GPM6B: variants seen among roughly 807,000 people sequenced by gnomAD.
The protein encoded by GPM6B is glycoprotein M6B.
GPM6B carries 4 observed loss-of-function variants against 27.2 expected under a neutral mutation model. The observed-to-expected ratio is 0.15, with a 90% confidence interval of 0.07 to 0.34. The LOEUF (loss-of-function observed/expected upper bound fraction) is 0.34, where lower values mean the gene tolerates loss of function less well. Ranked by LOEUF, GPM6B falls within the 10% of genes least tolerant of loss-of-function variation. The pLI, the probability that GPM6B is intolerant of heterozygous loss-of-function variation, is 1.00. For missense variants in GPM6B, 183 were observed against 261.9 expected, an observed-to-expected ratio of 0.70 and a Z score of 2.08; for synonymous variants, 124 against 103.1, an observed-to-expected ratio of 1.20 and a Z score of -1.23.
chrX:13,930,539 G>A (rs912490411), intron 1 of GPM6B, among the ~76,000 whole-genome samples: 1 of 111,286 alleles, frequency 9.0e-6, no homozygotes, highest in African/African-American at 3.3e-5. Context: ...GCGTGAGCCC[G>A]GGAGGTGAAG....
chrX:13,773,241 C>A, intron 7 of GPM6B: 2 of 277,953 alleles, frequency 7.2e-6, no homozygotes, highest in Non-Finnish European at 1.3e-5. Context: ...AGTATACAAA[C>A]ATAGTGAACT....
At chrX:13,774,371 G>A (rs886176347) in intron 7 of GPM6B, 2 of 1,033,597 alleles carry the variant, frequency 1.9e-6, no homozygotes, top group South Asian at 3.1e-5. Flanking sequence ...TCTCATTATT[G>A]TGTAATTCAT....
intron 3 of GPM6B, among the ~76,000 whole-genome samples, chrX:13,784,780 C>G (rs1192058498): frequency 1.8e-5 from 2 of 112,177 alleles, no homozygotes; most frequent in Non-Finnish European, 1.9e-5. Flanking sequence ...TGCTAAACCC[C>G]TGGACCTTCC....
intron 2 of GPM6B, among the ~76,000 whole-genome samples, chrX:13,803,717 C>A (rs533611226): frequency 5.6e-4 from 63 of 111,651 alleles, no homozygotes; most frequent in South Asian, 2.3e-3. Context: ...AGAATTTCTC[C>A]CAAGCTTCCA....
chrX:13,806,546 G>C (rs1179696500), intron 2 of GPM6B, among the ~76,000 whole-genome samples: 3 of 112,064 alleles, frequency 2.7e-5, no homozygotes, highest in Non-Finnish European at 5.6e-5. Context: ...CCATAGGACA[G>C]ATGAAGGAAT....
Position 13,787,554 on chromosome X carries a change from C to G in GPM6B, c.182-1746G>C, listed in dbSNP as rs182765291. On this transcript the variant is annotated intron_variant, in intron 2 of 7. Coordinates refer to ENST00000316715, the MANE Select transcript of GPM6B (RefSeq NM_001001995.3). ...CCTGGGCGACAGAGCAAGACTCCGT[C>G]TCAAAAAAAGAAAAAGGGAACCAGT... Among the ~76,000 whole-genome samples the G allele has an allele frequency of 9.9e-5, 11 of 111,456 alleles. No individual in the cohort carries two copies. The East Asian group carries it at 3.1e-3, about 31-fold the overall frequency.
intron 1 of GPM6B, among the ~76,000 whole-genome samples, chrX:13,905,124 G>A (rs915100045): frequency 9.4e-6 from 1 of 106,253 alleles, no homozygotes; most frequent in Non-Finnish European, 1.9e-5. Flanking sequence ...CCAGCTACTC[G>A]AGAGACTAAG....
chrX:13,831,263 T>G (rs2049436780), intron 1 of GPM6B, among the ~76,000 whole-genome samples: 1 of 108,000 alleles, frequency 9.3e-6, no homozygotes. Flanking sequence ...CTGGTTTATT[T>G]ACAATCAGGC....
At chrX:13,854,258 C>T (rs757374070) in intron 1 of GPM6B, among the ~76,000 whole-genome samples, 7 of 111,666 alleles carry the variant, frequency 6.3e-5, no homozygotes, top group Non-Finnish European at 1.3e-4. Context: ...AACAAAATTA[C>T]TATTTATTTC....
At chrX:13,898,101 A>C (rs183826605) in intron 1 of GPM6B, among the ~76,000 whole-genome samples, 83 of 111,509 alleles carry the variant, frequency 7.4e-4, no homozygotes, top group African/African-American at 2.6e-3. Flanking sequence ...GTATTTGTCC[A>C]TGCTGCTTTA....
chrX:13,928,971 G>A (rs959504860), intron 1 of GPM6B, among the ~76,000 whole-genome samples: 2 of 111,731 alleles, frequency 1.8e-5, no homozygotes, highest in Admixed American at 9.5e-5. Flanking sequence ...TCTAAACAAG[G>A]GGGAAATCAG....
chrX:13,894,982 C>G (rs145806141), intron 1 of GPM6B, among the ~76,000 whole-genome samples: 1,352 of 111,797 alleles, frequency 0.012, 17 homozygotes, highest in African/African-American at 0.042. Flanking sequence ...CACTGTTCTC[C>G]CTGAAACATT....
intron 1 of GPM6B, among the ~76,000 whole-genome samples, chrX:13,830,580 A>G (rs1231665179): frequency 1.8e-5 from 2 of 112,361 alleles, no homozygotes; most frequent in East Asian, 5.6e-4. Flanking sequence ...CCACTGTTCT[A>G]GTTCGTATAA....
intron 1 of GPM6B, among the ~76,000 whole-genome samples, chrX:13,822,759 T>C (rs2049325433): frequency 9.0e-6 from 1 of 111,554 alleles, no homozygotes; most frequent in African/African-American, 3.3e-5. Flanking sequence ...TCTGTCTACT[T>C]GGAGAAAACA....
chrX:13,877,354 T>A (rs756454427), intron 1 of GPM6B, among the ~76,000 whole-genome samples: 8 of 111,764 alleles, frequency 7.2e-5, no homozygotes, highest in Non-Finnish European at 1.5e-4. Flanking sequence ...CCTTAGGACA[T>A]CTGATAAAGC....
chrX:13,842,027 G>A (rs1055529965), intron 1 of GPM6B, among the ~76,000 whole-genome samples: 4 of 112,044 alleles, frequency 3.6e-5, no homozygotes, highest in African/African-American at 1.3e-4. Flanking sequence ...ATAGGTCTAT[G>A]TCCCCCCAAT....
intron 2 of GPM6B, among the ~76,000 whole-genome samples, chrX:13,790,603 T>C (rs2048695821): frequency 8.9e-6 from 1 of 111,799 alleles, no homozygotes; most frequent in Admixed American, 9.5e-5. Context: ...GTGTGTGATG[T>C]TTTTTCTCTA....
chrX:13,905,130 C>G (rs147399558), intron 1 of GPM6B, among the ~76,000 whole-genome samples: 2,496 of 104,013 alleles, frequency 0.024, 83 homozygotes, highest in East Asian at 0.21. Flanking sequence ...ACTCGAGAGA[C>G]TAAGGTAAGA....
intron 1 of GPM6B, among the ~76,000 whole-genome samples, chrX:13,829,907 A>G (rs2049419480): frequency 1.1e-5 from 1 of 93,629 alleles, no homozygotes; most frequent in African/African-American, 4.0e-5. Flanking sequence ...TTCTTTCTTC[A>G]TGTCAGAGAA....
Sources: allele counts gnomAD v4.1 joint callset (sites outside exome capture counted in the v4.1 genomes callset), GRCh38; gene constraint gnomAD v4.1.1; transcripts MANE v1.5; gene names NCBI Gene and HGNC (gene_info 2026-07-23, HGNC 2026-07-21).